The following ADGRV1 variants were observed in gnomAD, a reference collection of about 807,000 sequenced individuals.
The protein encoded by ADGRV1 is adhesion G protein-coupled receptor V1.
Under a neutral mutation model 596.2 loss-of-function variants are expected in ADGRV1, and 359 were observed. The ratio of observed to expected loss-of-function variants is 0.60; its 90% confidence interval spans 0.55 to 0.66. The LOEUF (loss-of-function observed/expected upper bound fraction) is 0.66. ADGRV1 is among the 30% of genes least tolerant of loss of function. The pLI, the probability that ADGRV1 is intolerant of heterozygous loss-of-function variation, is 0.00. For missense variants in ADGRV1, 7,274 were observed against 7,575.6 expected (o/e 0.96, Z 1.48); for synonymous variants, 2,681 against 2,679.2 (o/e 1.00, Z -0.02).
At chr5:90,656,172 A>G (rs1296105831) in intron 20 of ADGRV1, among the ~76,000 whole-genome samples, 1 of 152,234 alleles carries the variant, frequency 6.6e-6, no homozygotes, top group Non-Finnish European at 1.5e-5. Context: ...GTCCCAGAGA[A>G]TTAGTCATAG....
At chr5:90,984,213 T>C (rs1780307390) in intron 84 of ADGRV1, among the ~76,000 whole-genome samples, 1 of 152,102 alleles carries the variant, frequency 6.6e-6, no homozygotes, top group South Asian at 2.1e-4. Context: ...TATAGACATA[T>C]AATAATATAG....
At chr5:90,659,115 G>A (rs1769862228) in intron 21 of ADGRV1, among the ~76,000 whole-genome samples, 1 of 152,130 alleles carries the variant, frequency 6.6e-6, no homozygotes, top group Admixed American at 6.5e-5. Flanking sequence ...TGCCACTTTA[G>A]CCCTTTGGTT....
chr5:91,036,139 A>C (rs1480797137), intron 85 of ADGRV1, among the ~76,000 whole-genome samples: 1 of 152,032 alleles, frequency 6.6e-6, no homozygotes, highest in Non-Finnish European at 1.5e-5. Flanking sequence ...TGTATCCTTA[A>C]ACAGCTCTTG....
intron 83 of ADGRV1, among the ~76,000 whole-genome samples, chr5:90,927,445 T>G (rs1190113939): frequency 6.6e-6 from 1 of 152,242 alleles, no homozygotes. Flanking sequence ...TATCAGAGAC[T>G]AGTATTGCAA....
At chr5:90,665,555 A>G (rs1364865578) in intron 21 of ADGRV1, among the ~76,000 whole-genome samples, 5 of 151,206 alleles carry the variant, frequency 3.3e-5, no homozygotes, top group Non-Finnish European at 4.4e-5. Flanking sequence ...CGATCCTTTC[A>G]AAAAACCAGC....
chr5:90,816,183 G>T (rs1762872933), intron 75 of ADGRV1, among the ~76,000 whole-genome samples: 1 of 152,064 alleles, frequency 6.6e-6, no homozygotes, highest in African/African-American at 2.4e-5. Flanking sequence ...AATAATCTGT[G>T]AGAATGTTGG....
At chr5:90,959,278 CT>C (rs910860216) in intron 83 of ADGRV1, among the ~76,000 whole-genome samples, 49 of 146,920 alleles carry the variant, frequency 3.3e-4, no homozygotes, top group African/African-American at 6.7e-4. Flanking sequence ...AGGGGTAAAT[CT>C]TTTTTTTTTA....
In ADGRV1 at chr5:90,701,122, G is replaced by A. The variant is rs1470342709; in HGVS notation, c.8156-2543G>A. Among the ~76,000 whole-genome samples, 5 of 152,032 alleles carry A rather than the reference G, an allele frequency of 3.3e-5. No homozygotes were observed. In the South Asian group the frequency reaches 8.3e-4, roughly 25 times the overall value. On this transcript the variant is annotated intron_variant, in intron 34 of 89. Transcript: ENST00000405460. ...CTCTGGATTTCGTATCAAGATGATC[G>A]TCCAGTTATGTAGTCAGACACTTTG...
At chr5:90,801,732 A>G (rs1283109356) in intron 70 of ADGRV1, among the ~76,000 whole-genome samples, 1 of 152,188 alleles carries the variant, frequency 6.6e-6, no homozygotes, top group African/African-American at 2.4e-5. Flanking sequence ...TTTACATTCA[A>G]TCAAGATATG....
chr5:90,801,681 T>A (rs1761390616), intron 70 of ADGRV1, among the ~76,000 whole-genome samples: 1 of 152,140 alleles, frequency 6.6e-6, no homozygotes, highest in African/African-American at 2.4e-5. Flanking sequence ...CTAAATTCAT[T>A]ATATTTAAAA....
At chr5:91,074,355 G>A (rs1044252799) in intron 86 of ADGRV1, among the ~76,000 whole-genome samples, 4 of 152,058 alleles carry the variant, frequency 2.6e-5, no homozygotes, top group African/African-American at 9.7e-5. Flanking sequence ...AGGCCCCAGT[G>A]TCTCTTATTC....
At position 91,072,517 on chromosome 5, in the gene ADGRV1, G is replaced by C; in HGVS notation, c.18223G>C (p.Val6075Leu). 1 of 1,613,770 alleles carries C rather than the reference G, an allele frequency of 6.2e-7. No individual in the cohort carries two copies. Residue 6075 changes from valine (V) to leucine (L), a missense_variant, in exon 86 of 90, where the codon GTG (valine) becomes CTG (leucine). Transcript: ENST00000405460. Reference sequence around the variant, plus strand: ...TGTTCCTTTGACGTGCCTCGTGGTGGTGTTCGTGGTGTTCATCCATGCCTA... The same window carrying C: ...TGTTCCTTTGACGTGCCTCGTGGTGCTGTTCGTGGTGTTCATCCATGCCTA... ...ALVPLTCLVV[V>L]FVVFIHAYQV...
rs1759863015 is a variant in ADGRV1, at chr5:90,789,720, C to T, written c.13912C>T (p.Pro4638Ser). Residue 4638 changes from proline (P) to serine (S), a missense_variant, in exon 69 of 90, where the codon CCA becomes TCA. Around this residue, in one of 5 missense-constraint regions of ADGRV1, gnomAD observed 3,643 missense variants for 3,809.2 expected, o/e 0.96. Coordinates refer to ENST00000405460, the MANE Select transcript of ADGRV1 (RefSeq NM_032119.4). ...TTTTTAGATACAAGAGTTTGGTGAC[C>T]CAAATGGAGTTGTTCAGTTTGCTCC... ...VTLTIQEFGDPNGVVQFAPET... is the reference protein window; with the variant it reads ...VTLTIQEFGDSNGVVQFAPET... 6.4e-7 allele frequency: 1 copy of T among 1,553,194 alleles called. No homozygotes were observed. The highest frequency in any genetic ancestry group is 8.7e-7 in the Non-Finnish European group (1 of 1,145,046).
intron 85 of ADGRV1, among the ~76,000 whole-genome samples, chr5:91,030,142 CT>C (rs1261793510): frequency 6.6e-6 from 1 of 152,080 alleles, no homozygotes; most frequent in Admixed American, 6.5e-5. Flanking sequence ...ACACCATACT[CT>C]TTTAATTGTT....
At chr5:90,762,752 T>C (rs542859238) in intron 58 of ADGRV1, 2 of 152,514 alleles carry the variant, frequency 1.3e-5, no homozygotes, top group African/African-American at 2.4e-5. Flanking sequence ...GTCTGTATTA[T>C]GTGAGGAGCC....
At chr5:90,806,275 A>G (rs141279178) in intron 72 of ADGRV1, among the ~76,000 whole-genome samples, 1 of 152,276 alleles carries the variant, frequency 6.6e-6, no homozygotes, top group Non-Finnish European at 1.5e-5. Context: ...AGAAAACAGA[A>G]AGAGAGAAAT....
intron 77 of ADGRV1, among the ~76,000 whole-genome samples, chr5:90,838,060 A>G (rs745803965): frequency 1.3e-5 from 2 of 152,144 alleles, no homozygotes; most frequent in East Asian, 1.9e-4. Context: ...TTGTTCAATC[A>G]TATGTCTGTG....
chr5:91,031,672 C>T (rs1470834746), intron 85 of ADGRV1, among the ~76,000 whole-genome samples: 3 of 152,100 alleles, frequency 2.0e-5, no homozygotes, highest in South Asian at 2.1e-4. Context: ...TTTTCTGATA[C>T]CTGAGGTTAT....
intron 83 of ADGRV1, among the ~76,000 whole-genome samples, chr5:90,958,150 G>A (rs562252038): frequency 7.5e-4 from 109 of 145,698 alleles, no homozygotes; most frequent in Middle Eastern, 3.4e-3. Context: ...CAGGCCAGTG[G>A]TGCATGCCTG....
Sources: gnomAD v4.1 joint callset for allele counts (sites outside exome capture counted in the v4.1 genomes callset) on GRCh38, gnomAD v4.1.1 for gene constraint, gnomAD v4.1.1 regional missense constraint, MANE v1.5 for transcripts, NCBI Gene and HGNC (gene_info 2026-07-23, HGNC 2026-07-21) for gene names.